Variants in CTNNA3 observed in about 807,000 individuals in gnomAD.
CTNNA3 encodes catenin alpha-3.
CTNNA3 carries 76 observed loss-of-function variants against 95.7 expected under a neutral mutation model. That is an observed-to-expected ratio of 0.79 (90% CI 0.66 to 0.96). The LOEUF (loss-of-function observed/expected upper bound fraction) is 0.96. Among genes scored for constraint, CTNNA3 ranks in the 40% least tolerant of loss-of-function variants. CTNNA3 has a pLI of 0.00. For missense variants in CTNNA3, 1,191 were observed against 1,089.8 expected, an observed-to-expected ratio of 1.09 and a Z score of -1.31; for synonymous variants, 431 against 374.4, an observed-to-expected ratio of 1.15 and a Z score of -1.74.
At chr10:66,979,305 A>G (rs1484605011) in intron 7 of CTNNA3, among the ~76,000 whole-genome samples, 1 of 152,130 alleles carries the variant, frequency 6.6e-6, no homozygotes, top group Non-Finnish European at 1.5e-5. Flanking sequence ...GAATTGGTTC[A>G]TCCTAAAGTG....
At position 67,555,749 on chromosome 10, in the gene CTNNA3, T is replaced by C. The variant is rs544148582; in HGVS notation, c.293-16080A>G. Among the ~76,000 whole-genome samples the C allele has an allele frequency of 2.9e-3, 436 of 152,208 alleles. 3 individuals carry two copies. The highest frequency in any genetic ancestry group is 0.01 in the African/African-American group (417 of 41,558). On this transcript the variant is annotated intron_variant, in intron 3 of 17. Transcript: ENST00000433211. Reference sequence around the variant, plus strand: ...TTCCTAATTGAATACCCTTTATTTCTTTCTCCTGCCTGATTGCCCTGGCCA... The same window carrying C: ...TTCCTAATTGAATACCCTTTATTTCCTTCTCCTGCCTGATTGCCCTGGCCA...
intron 3 of CTNNA3, among the ~76,000 whole-genome samples, chr10:67,545,073 GTTT>G (rs61552682): frequency 1.7e-3 from 262 of 152,020 alleles, no homozygotes; most frequent in African/African-American, 5.9e-3. Flanking sequence ...ACTAATCTGT[GTTT>G]TTTTATTATT....
At chr10:66,826,431 C>T (rs746529658) in intron 7 of CTNNA3, among the ~76,000 whole-genome samples, 8 of 152,104 alleles carry the variant, frequency 5.3e-5, no homozygotes, top group Non-Finnish European at 1.2e-4. Flanking sequence ...CTCACACCAT[C>T]ACGTCTGGCT....
At chr10:65,929,226 T>C (rs1236808285) in intron 17 of CTNNA3, among the ~76,000 whole-genome samples, 1 of 152,184 alleles carries the variant, frequency 6.6e-6, no homozygotes, top group Non-Finnish European at 1.5e-5. Flanking sequence ...TGTGTCTGCA[T>C]AGTTTTCCAT....
At chr10:66,013,914 C>G (rs1020594635) in intron 15 of CTNNA3, among the ~76,000 whole-genome samples, 28 of 152,102 alleles carry the variant, frequency 1.8e-4, no homozygotes, top group Non-Finnish European at 2.9e-5. Flanking sequence ...ATAATTGATT[C>G]AAAGCTGTTT....
At chr10:67,410,000 T>G (rs1845304892) in intron 5 of CTNNA3, among the ~76,000 whole-genome samples, 1 of 152,100 alleles carries the variant, frequency 6.6e-6, no homozygotes, top group Non-Finnish European at 1.5e-5. Flanking sequence ...AGCAATCCCA[T>G]TACTGAGTAT....
rs144880269 is a variant in CTNNA3 at position 67,377,824 on chromosome 10, T to C, written c.579+144018A>G. Among the ~76,000 whole-genome samples, 20 of 152,302 alleles carry C rather than the reference T, an allele frequency of 1.3e-4. 1 individual carries two copies. The East Asian group carries it at 3.9e-3, about 29-fold the overall frequency. On this transcript the variant is annotated intron_variant, in intron 5 of 17. Transcript: ENST00000433211. ...GAGTTTGAAACTACATAATATATTATTGTTAATTATAGTCATCCTACAGTG... is the reference window on the plus strand; with the variant it reads ...GAGTTTGAAACTACATAATATATTACTGTTAATTATAGTCATCCTACAGTG...
At chr10:66,504,566 G>A (rs1564496563) in intron 11 of CTNNA3, among the ~76,000 whole-genome samples, 1 of 152,196 alleles carries the variant, frequency 6.6e-6, no homozygotes, top group Non-Finnish European at 1.5e-5. Context: ...CCAGGAACAT[G>A]TCTTGGGCTC....
chr10:66,223,521 A>G (rs2089083243), intron 13 of CTNNA3, among the ~76,000 whole-genome samples: 2 of 152,250 alleles, frequency 1.3e-5, no homozygotes, highest in Non-Finnish European at 2.9e-5. Flanking sequence ...TTATTTGCAC[A>G]AGATTTACCA....
intron 2 of CTNNA3, among the ~76,000 whole-genome samples, chr10:67,615,491 C>T (rs1239767123): frequency 1.3e-5 from 2 of 152,184 alleles, no homozygotes; most frequent in Non-Finnish European, 2.9e-5. Context: ...TAACCACTTA[C>T]CATCCAAAAA....
chr10:66,941,923 A>C (rs949757204), intron 7 of CTNNA3, among the ~76,000 whole-genome samples: 6 of 152,208 alleles, frequency 3.9e-5, no homozygotes, highest in African/African-American at 1.4e-4. Flanking sequence ...TTTTCAAATT[A>C]AGTCTGTTCG....
chr10:67,622,364 T>A (rs1021239257), intron 2 of CTNNA3, among the ~76,000 whole-genome samples: 4 of 152,220 alleles, frequency 2.6e-5, no homozygotes, highest in African/African-American at 9.6e-5. Context: ...TCAGTCTGAA[T>A]TCATTGAGGA....
intron 7 of CTNNA3, among the ~76,000 whole-genome samples, chr10:66,807,149 A>G (rs142672661): frequency 2.0e-5 from 3 of 152,130 alleles, no homozygotes; most frequent in African/African-American, 7.2e-5. Context: ...TGTGTAACCC[A>G]GTTTCTCTGA....
At chr10:65,970,619 C>T (rs527800269) in intron 16 of CTNNA3, among the ~76,000 whole-genome samples, 60 of 149,468 alleles carry the variant, frequency 4.0e-4, no homozygotes, top group African/African-American at 1.2e-3. Flanking sequence ...AAAAGAGGAG[C>T]GGCTATTATA....
intron 5 of CTNNA3, among the ~76,000 whole-genome samples, chr10:67,372,807 C>G (rs543072354): frequency 7.6e-4 from 116 of 152,260 alleles, no homozygotes; most frequent in African/African-American, 2.4e-3. Flanking sequence ...CCAGAAGAGA[C>G]TGGGGGCCAA....
At chr10:66,346,390 T>C (rs563614441) in intron 12 of CTNNA3, among the ~76,000 whole-genome samples, 4 of 151,334 alleles carry the variant, frequency 2.6e-5, no homozygotes, top group African/African-American at 9.7e-5. Flanking sequence ...GCAATTATCC[T>C]GCGTCAGCCT....
At chr10:66,892,764 T>C (rs12250363) in intron 7 of CTNNA3, among the ~76,000 whole-genome samples, 13,394 of 152,124 alleles carry the variant, frequency 0.088, 727 homozygotes, top group African/African-American at 0.16. Context: ...GGAATAATTG[T>C]GAAATATGAT....
chr10:66,394,625 G>A (rs1190538312), intron 11 of CTNNA3, among the ~76,000 whole-genome samples: 1 of 151,128 alleles, frequency 6.6e-6, no homozygotes, highest in African/African-American at 2.4e-5. Context: ...CTGTCAGCAG[G>A]AACAGACAGT....
chr10:66,222,027 G>T (rs2088960133), intron 13 of CTNNA3, among the ~76,000 whole-genome samples: 2 of 152,112 alleles, frequency 1.3e-5, no homozygotes, highest in Non-Finnish European at 2.9e-5. Flanking sequence ...CAATCAATGG[G>T]TCATTGGATC....
Sources: allele counts gnomAD v4.1 joint callset (sites outside exome capture counted in the v4.1 genomes callset), GRCh38; gene constraint gnomAD v4.1.1; transcripts MANE v1.5; gene names NCBI Gene and HGNC (gene_info 2026-07-23, HGNC 2026-07-21).